Variants in AVEN observed in about 807,000 individuals in gnomAD.
The protein encoded by AVEN is cell death regulator Aven.
In AVEN, 41 loss-of-function variants were observed where a neutral mutation model predicts 38.1. The observed-to-expected ratio is 1.08, with a 90% CI of 0.84 to 1.40. AVEN has a LOEUF of 1.40. Ranked by LOEUF, AVEN falls within the 40% of genes most tolerant of loss-of-function variation. AVEN has a pLI of 0.00. For missense variants in AVEN, 605 were observed against 438.8 expected, an observed-to-expected ratio of 1.38 and a Z score of -3.38; for synonymous variants, 206 against 171.8, an observed-to-expected ratio of 1.20 and a Z score of -1.56.
At chr15:33,861,665 T>A (rs1195380913), downstream of AVEN, among the ~76,000 whole-genome samples, 1 of 152,274 alleles carries the variant, frequency 6.6e-6, no homozygotes, top group East Asian at 1.9e-4. Flanking sequence ...CACTACATCA[T>A]AATATTGGGT....
At chr15:34,012,742 A>G (rs1897688324) in intron 1 of AVEN, among the ~76,000 whole-genome samples, 1 of 152,170 alleles carries the variant, frequency 6.6e-6, no homozygotes, top group South Asian at 2.1e-4. Flanking sequence ...TCGCCAGAGG[A>G]AGAGAACTTT....
intron 2 of AVEN, among the ~76,000 whole-genome samples, chr15:33,963,286 C>T (rs1340722885): frequency 5.3e-5 from 8 of 152,138 alleles, no homozygotes; most frequent in African/African-American, 1.9e-4. Flanking sequence ...CTATGAGATA[C>T]CTGTCTATTT....
downstream of AVEN, among the ~76,000 whole-genome samples, chr15:33,857,082 A>ATACTT (rs1278116326): frequency 6.6e-6 from 1 of 152,140 alleles, no homozygotes; most frequent in Non-Finnish European, 1.5e-5. Flanking sequence ...GCACTATTCA[A>ATACTT]TACTTAAGTT....
chr15:33,875,760 G>A lies in AVEN; in HGVS notation c.516+165C>T, dbSNP rs181432785. ...AGGTGAACTCTAGCTTCAAGGACCT[G>A]TGGAATTTCAGCCCCCTGAAAATTT... On this transcript the variant is annotated intron_variant, in intron 3 of 5. Coordinates refer to ENST00000306730, the MANE Select transcript of AVEN (RefSeq NM_020371.3). Among the ~76,000 whole-genome samples the A allele has an allele frequency of 2.4e-3, 365 of 152,274 alleles. 2 individuals carry two copies. The highest frequency in any genetic ancestry group is 3.7e-3 in the Non-Finnish European group (252 of 68,022).
intron 2 of AVEN, among the ~76,000 whole-genome samples, chr15:33,898,053 G>T (rs1461752771): frequency 6.6e-6 from 1 of 152,128 alleles, no homozygotes; most frequent in African/African-American, 2.4e-5. Context: ...GCTGGGCGTG[G>T]TGGTGGGCAC....
intron 5 of AVEN, among the ~76,000 whole-genome samples, chr15:34,060,353 G>A (rs1001381694): frequency 6.6e-5 from 10 of 152,122 alleles, no homozygotes; most frequent in Non-Finnish European, 1.0e-4. Context: ...TCTGGTTTCC[G>A]GTGCAAGACA....
intron 1 of AVEN, among the ~76,000 whole-genome samples, chr15:34,032,819 A>G (rs1365323585): frequency 6.6e-6 from 1 of 152,204 alleles, no homozygotes; most frequent in Non-Finnish European, 1.5e-5. Context: ...AATTTTAAAT[A>G]TAGATGTTGA....
At chr15:33,967,463 GA>G (rs1340715493) in intron 2 of AVEN, among the ~76,000 whole-genome samples, 1 of 152,160 alleles carries the variant, frequency 6.6e-6, no homozygotes, top group South Asian at 2.1e-4. Context: ...ACAAATAGGT[GA>G]AATGAGATTT....
chr15:33,888,900 T>C lies in AVEN; in HGVS notation c.446-12905A>G, dbSNP rs941769378. Among the ~76,000 whole-genome samples, 6 of 152,102 alleles carry C rather than the reference T, an allele frequency of 3.9e-5. No homozygotes were observed. The South Asian group carries it at 1.2e-3, about 32-fold the overall frequency. On this transcript the variant is annotated intron_variant, in intron 2 of 5. Coordinates refer to ENST00000306730, the MANE Select transcript of AVEN (RefSeq NM_020371.3). The stretch of plus-strand genomic sequence containing the variant: ...CCAAGTAGCTAGGACTACAGGCGCA[T>C]GCCACCACGCCCAGCTAAAGTTGGC...
chr15:33,976,088 G>A (rs1399305971), intron 2 of AVEN, among the ~76,000 whole-genome samples: 1 of 152,122 alleles, frequency 6.6e-6, no homozygotes, highest in African/African-American at 2.4e-5. Context: ...TGGGGCTCAA[G>A]TATTTAAGCT....
chr15:33,878,118 A>C (rs1597182179), intron 2 of AVEN, among the ~76,000 whole-genome samples: 1 of 152,248 alleles, frequency 6.6e-6, no homozygotes, highest in South Asian at 2.1e-4. Flanking sequence ...AGTTATCAAG[A>C]TACCAATTTC....
chr15:33,865,323 T>G (rs751995605), downstream of AVEN: 19 of 824,182 alleles, frequency 2.3e-5, no homozygotes, highest in Non-Finnish European at 3.6e-5. Context: ...AATGTGACAT[T>G]TTCTAAATGC....
chr15:33,951,930 C>A (rs1243854261), intron 2 of AVEN, among the ~76,000 whole-genome samples: 1 of 152,180 alleles, frequency 6.6e-6, no homozygotes. Flanking sequence ...ATCTGGAAAG[C>A]TGGATAAGAC....
At chr15:33,856,521 A>T (rs1219984562), downstream of AVEN, 1 of 152,292 alleles carries the variant, frequency 6.6e-6, no homozygotes. Context: ...TCTGTAATAA[A>T]AAGTGTGACT....
intron 2 of AVEN, among the ~76,000 whole-genome samples, chr15:33,893,861 T>C (rs1455350675): frequency 6.6e-6 from 1 of 152,022 alleles, no homozygotes; most frequent in Non-Finnish European, 1.5e-5. Context: ...GTGGTCACGG[T>C]GTTCCATCAA....
At position 33,919,996 on chromosome 15, in the gene AVEN, C is replaced by T. The variant is rs138240134; in HGVS notation, c.446-44001G>A. 2.7e-3 allele frequency among the ~76,000 whole-genome samples: 413 copies of T among 152,236 alleles called. 3 individuals are homozygous for T. The highest frequency in any genetic ancestry group is 0.014 in the Middle Eastern group (4 of 294). ...TAAGACCTCTTCCTAACCTCTTATT[C>T]CTTCCCTATCCATCTCCTCCATCAG... On this transcript the variant is annotated intron_variant, in intron 2 of 5. Transcript: ENST00000306730.
rs1324144810 is a variant in AVEN at position 34,063,848 on chromosome 15, G to T, written n.1127-416C>A. On this transcript the variant is annotated intron_variant and non_coding_transcript_variant, in intron 4 of 11. Transcript: ENST00000675287. The surrounding 1 kb of genome is among the most constrained non-coding windows in gnomAD (Gnocchi z 4.1). ...ATAGACCCAAGAGTCAGAAATGTGT[G>T]GCCTATAAGTTCCGATTGGTGGTAA... 6.2e-7 allele frequency: 1 copy of T among 1,614,058 alleles called. No individual in the cohort carries two copies. Among genetic ancestry groups the T allele is most frequent in the Non-Finnish European group, 8.5e-7 (1 of 1,180,050 alleles).
intron 2 of AVEN, among the ~76,000 whole-genome samples, chr15:33,924,949 A>C (rs11635864): frequency 0.25 from 37,740 of 152,132 alleles, 4,835 homozygotes; most frequent in Middle Eastern, 0.39. Flanking sequence ...TGTGATTGAT[A>C]AATGCAACTG....
At chr15:34,046,679 G>C (rs1899696988) in intron 5 of AVEN, 1 of 152,230 alleles carries the variant, frequency 6.6e-6, no homozygotes, top group African/African-American at 2.4e-5. Context: ...GCGGCAGCCC[G>C]CAGCTCTCAT....
Sources: allele counts gnomAD v4.1 joint callset (sites outside exome capture counted in the v4.1 genomes callset), GRCh38; gene constraint gnomAD v4.1.1; non-coding constraint Gnocchi (gnomAD v3.1); transcripts MANE v1.5; gene names NCBI Gene and HGNC (gene_info 2026-07-23, HGNC 2026-07-21).